The following GPHN variants were observed in gnomAD, a reference collection of about 807,000 sequenced individuals.
GPHN encodes gephyrin.
A neutral mutation model predicts 95.5 loss-of-function variants in GPHN; 17 were observed. The observed-to-expected ratio is 0.18, with a 90% CI of 0.12 to 0.27. The LOEUF is 0.27. Ranked by LOEUF, GPHN falls within the 10% of genes least tolerant of loss-of-function variation. The pLI is 1.00. For missense variants in GPHN, 660 were observed against 978.1 expected (o/e 0.67, Z 4.34); for synonymous variants, 320 against 322.5 (o/e 0.99, Z 0.08).
the GPHN span, chr14:67,662,343 G>T: frequency 2.5e-6 from 2 of 786,698 alleles, no homozygotes; most frequent in Non-Finnish European, 4.1e-6. Flanking sequence ...CCCATCAACT[G>T]GCTTCATTTA....
the GPHN span, among the ~76,000 whole-genome samples, chr14:67,489,936 T>G: frequency 5.0e-4 from 76 of 151,102 alleles, no homozygotes; most frequent in Non-Finnish European, 9.4e-4. Flanking sequence ...CTTGCAGTGA[T>G]CTGAGACCAC....
intron 1 of GPHN, among the ~76,000 whole-genome samples, chr14:66,514,074 G>A (rs1436583120): frequency 6.6e-6 from 1 of 151,944 alleles, no homozygotes; most frequent in Non-Finnish European, 1.5e-5. Context: ...ATGACATTGT[G>A]TCAAGGGATA....
intron 1 of GPHN, among the ~76,000 whole-genome samples, chr14:66,600,444 G>T (rs2062180505): frequency 6.6e-6 from 1 of 152,036 alleles, no homozygotes; most frequent in African/African-American, 2.4e-5. Flanking sequence ...TAATAAATTA[G>T]CTCTTACTGG....
chr14:67,161,549 C>T (rs1253432823), intron 19 of GPHN, among the ~76,000 whole-genome samples: 2 of 151,862 alleles, frequency 1.3e-5, no homozygotes, highest in Non-Finnish European at 2.9e-5. Flanking sequence ...TCGCTTGAGC[C>T]CGGAAGTTGG....
At chr14:66,683,517 ATT>A (rs746473636) in intron 2 of GPHN, among the ~76,000 whole-genome samples, 4 of 114,456 alleles carry the variant, frequency 3.5e-5, no homozygotes, top group African/African-American at 3.4e-5. Context: ...GTAGGTGAGT[ATT>A]TTTTTTTTTT....
intron 2 of GPHN, 44 bp downstream of exon 2, chr14:66,681,229 T>C (rs745542390): frequency 9.0e-7 from 1 of 1,117,228 alleles, no homozygotes; most frequent in Admixed American, 1.7e-5. Flanking sequence ...TAAAACTTTA[T>C]TATTAGTGTT....
the GPHN span, among the ~76,000 whole-genome samples, chr14:67,378,699 C>G: frequency 6.6e-6 from 1 of 152,202 alleles, no homozygotes; most frequent in East Asian, 1.9e-4. Context: ...ACCACTAAAC[C>G]TTGGCGTGTG....
At chr14:66,696,528 A>G (rs2068108486) in intron 2 of GPHN, among the ~76,000 whole-genome samples, 1 of 152,230 alleles carries the variant, frequency 6.6e-6, no homozygotes, top group South Asian at 2.1e-4. Context: ...GACACTGACA[A>G]ATAGCTTCAA....
Position 66,996,210 on chromosome 14 carries a change from G to T in GPHN, c.964-27423G>T, listed in dbSNP as rs564762440. 32 of 1,526,910 alleles carry T rather than the reference G, an allele frequency of 2.1e-5. No individual in the cohort carries two copies. The South Asian group carries it at 3.6e-4, about 17-fold the overall frequency. The allele number at this position is 1,526,910 out of a possible 1,614,324, so 94.6% of individuals were successfully genotyped here. A position where few individuals can be genotyped will look rare whatever the true frequency, so the allele number is the denominator to read the frequency against. On this transcript the variant is annotated intron_variant, in intron 9 of 22. Coordinates refer to ENST00000478722, the MANE Select transcript of GPHN (RefSeq NM_020806.5). ...TCCCTCGTGCTCATCTACCTATAGT[G>T]TATCTGAGGTATATTTTGCACGTGT...
chr14:67,653,904 T>C, the GPHN span, among the ~76,000 whole-genome samples: 1 of 152,228 alleles, frequency 6.6e-6, no homozygotes. Context: ...GCTGGTCTGT[T>C]ACTGCTTTTG....
the GPHN span, among the ~76,000 whole-genome samples, chr14:67,242,836 G>A: frequency 6.6e-6 from 1 of 152,186 alleles, no homozygotes; most frequent in Non-Finnish European, 1.5e-5. Flanking sequence ...AGACGGACTT[G>A]AACTTGACAA....
intron 1 of GPHN, among the ~76,000 whole-genome samples, chr14:66,540,626 A>G (rs921549382): frequency 2.0e-5 from 3 of 152,226 alleles, no homozygotes; most frequent in African/African-American, 7.2e-5. Context: ...TAGTCTTGAC[A>G]TAAATTATGA....
At chr14:67,365,085 C>A in the GPHN span, 3 of 1,396,572 alleles carry the variant, frequency 2.1e-6, no homozygotes, top group Non-Finnish European at 2.9e-6. Context: ...TTGTAAATTG[C>A]AAGCTGCAGC....
At chr14:66,544,978 G>A (rs1050190435) in intron 1 of GPHN, among the ~76,000 whole-genome samples, 9 of 152,190 alleles carry the variant, frequency 5.9e-5, no homozygotes, top group South Asian at 2.1e-4. Context: ...AAAGTCTCCT[G>A]TGTCTACCTC....
At chr14:67,268,854 T>C in the GPHN span, among the ~76,000 whole-genome samples, 1 of 152,148 alleles carries the variant, frequency 6.6e-6, no homozygotes, top group Non-Finnish European at 1.5e-5. Context: ...CTCAGCCTTA[T>C]TTTACCCAGC....
chr14:67,302,115 G>T, the GPHN span: 2 of 1,599,668 alleles, frequency 1.3e-6, no homozygotes, highest in South Asian at 2.3e-5. Context: ...GTGATATTCC[G>T]TTGGTAAGTG....
At chr14:66,523,607 G>C (rs2058564607) in intron 1 of GPHN, among the ~76,000 whole-genome samples, 1 of 152,044 alleles carries the variant, frequency 6.6e-6, no homozygotes, top group Admixed American at 6.6e-5. Flanking sequence ...GAAGTTTTTA[G>C]AGTTACTTCT....
At chr14:66,771,815 A>T (rs1232403371) in intron 2 of GPHN, among the ~76,000 whole-genome samples, 1 of 146,404 alleles carries the variant, frequency 6.8e-6, no homozygotes, top group African/African-American at 2.5e-5. Flanking sequence ...TATGAGTGAG[A>T]ATATGCGGTG....
chr14:66,553,326 T>G (rs1179538687), intron 1 of GPHN, among the ~76,000 whole-genome samples: 1 of 152,106 alleles, frequency 6.6e-6, no homozygotes, highest in Admixed American at 6.5e-5. Flanking sequence ...TTCATCATAT[T>G]TGAGAACTTT....
Sources: allele counts gnomAD v4.1 joint callset (sites outside exome capture counted in the v4.1 genomes callset), GRCh38; gene constraint gnomAD v4.1.1; transcripts MANE v1.5; gene names NCBI Gene and HGNC (gene_info 2026-07-23, HGNC 2026-07-21).